The following RYR2 variants were observed in gnomAD, a reference collection of about 807,000 sequenced individuals.
The protein encoded by RYR2 is ryanodine receptor 2.
Under a neutral mutation model 601.1 loss-of-function variants are expected in RYR2, and 227 were observed. The observed-to-expected ratio is 0.38, with a 90% CI of 0.34 to 0.42. RYR2 has a LOEUF of 0.42. Among genes scored for constraint, RYR2 ranks in the 10% least tolerant of loss-of-function variants. The pLI, the probability that RYR2 is intolerant of heterozygous loss-of-function variation, is 1.00. For synonymous variants in RYR2, 2,223 were observed against 2,175.1 expected (o/e 1.02, Z -0.61); for missense variants, 4,646 against 6,156.5 (o/e 0.75, Z 8.21).
intron 25 of RYR2, among the ~76,000 whole-genome samples, chr1:237,538,343 C>T (rs993488757): frequency 4.1e-5 from 5 of 120,570 alleles, no homozygotes; most frequent in Admixed American, 2.3e-4. Flanking sequence ...TTCAGTGAGC[C>T]GAGATCGTGC....
intron 24 of RYR2, 140 bp downstream of exon 24, chr1:237,511,931 A>C (rs1016445901): frequency 5.2e-6 from 3 of 580,320 alleles, no homozygotes; most frequent in Non-Finnish European, 9.0e-6. Flanking sequence ...TTTATAATGC[A>C]TAAGTGGATT....
At chr1:237,334,033 T>G (rs2149583097) in intron 3 of RYR2, among the ~76,000 whole-genome samples, 1 of 152,328 alleles carries the variant, frequency 6.6e-6, no homozygotes, top group South Asian at 2.1e-4. Context: ...TAAACAATAC[T>G]TATACTATTT....
At chr1:237,495,058 G>C (rs1018084738) in intron 19 of RYR2, among the ~76,000 whole-genome samples, 5 of 152,058 alleles carry the variant, frequency 3.3e-5, no homozygotes, top group Admixed American at 3.3e-4. Flanking sequence ...CAAAGTGCTG[G>C]GATTACAGGT....
At chr1:237,556,909 A>C (rs2779390) in intron 27 of RYR2, among the ~76,000 whole-genome samples, 49,349 of 134,532 alleles carry the variant, frequency 0.37, 10,224 homozygotes, top group East Asian at 0.56. Context: ...AAAAAAAAAA[A>C]CCCTCTCAGT....
intron 2 of RYR2, among the ~76,000 whole-genome samples, chr1:237,288,388 C>T (rs1011815663): frequency 6.6e-6 from 1 of 151,980 alleles, no homozygotes; most frequent in Non-Finnish European, 1.5e-5. Context: ...GATTATATGT[C>T]CTTTGTCTTC....
intron 85 of RYR2, 25 bp downstream of exon 85, chr1:237,770,912 A>G (rs773327235): frequency 1.4e-6 from 2 of 1,415,616 alleles, no homozygotes; most frequent in South Asian, 1.3e-5. Flanking sequence ...GGAACTTCTG[A>G]TGATACTAAG....
At chr1:237,136,465 C>T (rs1463429516) in intron 1 of RYR2, among the ~76,000 whole-genome samples, 3 of 152,108 alleles carry the variant, frequency 2.0e-5, no homozygotes, top group East Asian at 1.9e-4. Context: ...ATTTTCCCAC[C>T]GACTGGGGTG....
At chr1:237,448,521 C>A (rs572955367) in intron 14 of RYR2, among the ~76,000 whole-genome samples, 1 of 152,182 alleles carries the variant, frequency 6.6e-6, no homozygotes, top group South Asian at 2.1e-4. Flanking sequence ...TTATTTAGAT[C>A]TTTAATTTCC....
At chr1:237,802,361 C>CAAATA in intron 98 of RYR2, 1 of 151,880 alleles carries the variant, frequency 6.6e-6, no homozygotes, top group East Asian at 1.9e-4. Flanking sequence ...AATATAGGGC[C>CAAATA]GTAATATATA....
At chr1:237,213,051 C>T (rs1489573055) in intron 1 of RYR2, among the ~76,000 whole-genome samples, 4 of 151,964 alleles carry the variant, frequency 2.6e-5, no homozygotes, top group Admixed American at 6.5e-5. Flanking sequence ...GGATTACAGG[C>T]GTGAGCCACC....
intron 1 of RYR2, among the ~76,000 whole-genome samples, chr1:237,186,660 A>G (rs533455496): frequency 1.3e-5 from 2 of 152,340 alleles, no homozygotes; most frequent in African/African-American, 4.8e-5. Flanking sequence ...ACCCACTTGC[A>G]TAAGAGTCCC....
intron 13 of RYR2, 98 bp from the exon 14 acceptor site, chr1:237,445,303 T>C: frequency 6.8e-7 from 1 of 1,481,292 alleles, no homozygotes; most frequent in South Asian, 1.3e-5. Context: ...TTTGATTCTA[T>C]CTGTTGTTAT....
chr1:237,526,881 A>G (rs1250950784), intron 24 of RYR2, among the ~76,000 whole-genome samples: 1 of 152,194 alleles, frequency 6.6e-6, no homozygotes, highest in South Asian at 2.1e-4. Context: ...GATCTTTATC[A>G]TAAACTCTAC....
At chr1:237,670,518 T>C (rs923482857) in intron 58 of RYR2, among the ~76,000 whole-genome samples, 9 of 152,222 alleles carry the variant, frequency 5.9e-5, no homozygotes, top group African/African-American at 1.7e-4. Context: ...AAATGAGTCA[T>C]AGAGTTTTGT....
chr1:237,498,595 G>A (rs576800845), intron 20 of RYR2, among the ~76,000 whole-genome samples: 10 of 150,894 alleles, frequency 6.6e-5, no homozygotes, highest in East Asian at 1.9e-4. Flanking sequence ...AACATTGATC[G>A]ACAATGCCAA....
intron 1 of RYR2, among the ~76,000 whole-genome samples, chr1:237,062,571 A>G (rs1208771289): frequency 2.0e-5 from 3 of 152,280 alleles, no homozygotes; most frequent in East Asian, 1.9e-4. Flanking sequence ...TTGACCTTGT[A>G]TCTAGTAACC....
chr1:237,588,938 C>G (rs1053976925), intron 29 of RYR2, among the ~76,000 whole-genome samples: 22 of 152,004 alleles, frequency 1.4e-4, no homozygotes, highest in African/African-American at 5.1e-4. Context: ...ATCTCATTGT[C>G]TTGCCAATCA....
At chr1:237,574,744 C>T (rs2618675) in intron 29 of RYR2, among the ~76,000 whole-genome samples, 56,326 of 151,874 alleles carry the variant, frequency 0.37, 11,922 homozygotes, top group Admixed American at 0.48. Context: ...AAACAAAAAC[C>T]GAGAAATCTC....
At chr1:237,672,174 G>A (rs1014398688) in intron 58 of RYR2, among the ~76,000 whole-genome samples, 1 of 152,172 alleles carries the variant, frequency 6.6e-6, no homozygotes, top group African/African-American at 2.4e-5. Flanking sequence ...AGATCCCTTC[G>A]CCATCTAGTT....
Sources: allele counts gnomAD v4.1 joint callset (sites outside exome capture counted in the v4.1 genomes callset), GRCh38; gene constraint gnomAD v4.1.1; transcripts MANE v1.5; gene names NCBI Gene and HGNC (gene_info 2026-07-23, HGNC 2026-07-21).